SLC8A1: variants seen among roughly 807,000 people sequenced by gnomAD.
SLC8A1 encodes sodium/calcium exchanger 1.
Under a neutral mutation model 68.3 loss-of-function variants are expected in SLC8A1, and 18 were observed. That is an observed-to-expected ratio of 0.26 (90% confidence interval 0.18 to 0.39). The LOEUF (loss-of-function observed/expected upper bound fraction) is 0.39, where lower values mean the gene tolerates loss of function less well. Among genes scored for constraint, SLC8A1 ranks in the 10% least tolerant of loss-of-function variants. The probability of loss-of-function intolerance (pLI) is 1.00; values close to 1 mark genes in which losing one functional copy is unlikely to be tolerated. For synonymous variants in SLC8A1, 475 were observed against 415.5 expected, an observed-to-expected ratio of 1.14 and a Z score of -1.74; for missense variants, 985 against 1,156.7, an observed-to-expected ratio of 0.85 and a Z score of 2.15.
chr2:40,156,719 C>G (rs2044587903), intron 6 of SLC8A1, among the ~76,000 whole-genome samples: 1 of 151,682 alleles, frequency 6.6e-6, no homozygotes, highest in South Asian at 2.1e-4. Flanking sequence ...GCTCCAATAT[C>G]CAAACAAATA....
intron 6 of SLC8A1, among the ~76,000 whole-genome samples, chr2:40,142,027 C>T (rs748341239): frequency 1.3e-5 from 2 of 152,286 alleles, no homozygotes; most frequent in Non-Finnish European, 2.9e-5. Flanking sequence ...TTATTCAAAC[C>T]ACCCAGTCTG....
intron 1 of SLC8A1, among the ~76,000 whole-genome samples, chr2:40,439,159 G>T (rs1700025910): frequency 6.6e-6 from 1 of 151,960 alleles, no homozygotes. Context: ...CCCCAAAAGG[G>T]AGATTAAAGC....
chr2:40,253,266 CATGTACATATGACGTAT>C (rs1389661097), intron 2 of SLC8A1, among the ~76,000 whole-genome samples: 45 of 149,408 alleles, frequency 3.0e-4, no homozygotes, highest in African/African-American at 1.1e-3. Flanking sequence ...TACATATATA[CATGTACATATGACGTAT>C]ATATGTGTAT....
intron 2 of SLC8A1, among the ~76,000 whole-genome samples, chr2:40,362,013 A>T (rs1437598715): frequency 7.0e-6 from 1 of 141,980 alleles, no homozygotes; most frequent in African/African-American, 2.7e-5. Flanking sequence ...TCCTGACTCA[A>T]CCTCCTGAGT....
At chr2:40,364,541 A>G (rs893363255) in intron 2 of SLC8A1, among the ~76,000 whole-genome samples, 7 of 151,852 alleles carry the variant, frequency 4.6e-5, no homozygotes, top group African/African-American at 1.5e-4. Context: ...TCCCCAGGCA[A>G]TTATTTTGCT....
At chr2:40,380,228 G>GC (rs1681295526) in intron 2 of SLC8A1, among the ~76,000 whole-genome samples, 2 of 152,090 alleles carry the variant, frequency 1.3e-5, no homozygotes, top group Non-Finnish European at 2.9e-5. Flanking sequence ...TCAAGGGCTT[G>GC]ACCCCAGGCC....
intron 2 of SLC8A1, among the ~76,000 whole-genome samples, chr2:40,222,247 AC>A (rs1458212419): frequency 1.3e-5 from 2 of 152,220 alleles, no homozygotes; most frequent in African/African-American, 4.8e-5. Flanking sequence ...CTGATCTTTG[AC>A]AAACCTGACC....
exon 8 of SLC8A1, chr2:40,107,279 C>CAAAAAGAAAAA (rs2034264360): frequency 1.5e-5 from 1 of 64,962 alleles, no homozygotes; most frequent in African/African-American, 6.2e-5. Flanking sequence ...GACTCCGTCT[C>CAAAAAGAAAAA]AAAAAAAAAA....
intron 2 of SLC8A1, among the ~76,000 whole-genome samples, chr2:40,265,179 G>C (rs115310586): frequency 6.6e-6 from 1 of 152,166 alleles, no homozygotes; most frequent in East Asian, 1.9e-4. Flanking sequence ...AGTAGACGAT[G>C]GGCATGCAGC....
chr2:40,419,422 A>C (rs1451535108), intron 2 of SLC8A1, among the ~76,000 whole-genome samples: 1 of 152,074 alleles, frequency 6.6e-6, no homozygotes, highest in African/African-American at 2.4e-5. Context: ...GTCACAGCAG[A>C]AATCTAATCA....
At chr2:40,140,265 T>G (rs1369975045) in intron 6 of SLC8A1, among the ~76,000 whole-genome samples, 2 of 152,162 alleles carry the variant, frequency 1.3e-5, no homozygotes, top group East Asian at 1.9e-4. Flanking sequence ...AAAATGAAAT[T>G]TATTTGCATT....
At chr2:40,435,292 T>C (rs905635995) in intron 1 of SLC8A1, among the ~76,000 whole-genome samples, 1 of 152,150 alleles carries the variant, frequency 6.6e-6, no homozygotes, top group African/African-American at 2.4e-5. Context: ...CTTCCAAATG[T>C]TTCTAGACAA....
chr2:40,399,839 C>T (rs947359708), intron 2 of SLC8A1, among the ~76,000 whole-genome samples: 9 of 152,066 alleles, frequency 5.9e-5, no homozygotes, highest in Non-Finnish European at 1.0e-4. Context: ...GCCTTATGCC[C>T]AATTCCTGCC....
intron 7 of SLC8A1, among the ~76,000 whole-genome samples, chr2:40,115,932 A>C (rs1468668836): frequency 6.6e-6 from 1 of 152,182 alleles, no homozygotes; most frequent in Non-Finnish European, 1.5e-5. Context: ...TTTTTTCAGA[A>C]AGTAGTCACA....
intron 2 of SLC8A1, among the ~76,000 whole-genome samples, chr2:40,347,464 C>T (rs1669716855): frequency 6.6e-6 from 1 of 152,206 alleles, no homozygotes; most frequent in Non-Finnish European, 1.5e-5. Flanking sequence ...AGCTTGAGCT[C>T]AATGCCTGGC....
intron 2 of SLC8A1, among the ~76,000 whole-genome samples, chr2:40,276,663 CCTTGA>C (rs1363645156): frequency 6.6e-5 from 10 of 152,272 alleles, no homozygotes; most frequent in Admixed American, 6.5e-5. Flanking sequence ...ACTCTTCTTT[CCTTGA>C]CTTATTTGGT....
intron 2 of SLC8A1, among the ~76,000 whole-genome samples, chr2:40,341,630 AC>A (rs1437413343): frequency 6.6e-6 from 1 of 152,220 alleles, no homozygotes; most frequent in East Asian, 1.9e-4. Flanking sequence ...TTTCTTAATT[AC>A]CCTAAGCCTC....
chr2:40,446,594 G>A (rs948823138), intron 1 of SLC8A1: 9 of 152,252 alleles, frequency 5.9e-5, no homozygotes, highest in Admixed American at 4.6e-4. Flanking sequence ...GCAGTGGAGT[G>A]ATCTTTCTTG....
At chr2:40,287,514 C>A (rs2149214830) in intron 2 of SLC8A1, among the ~76,000 whole-genome samples, 1 of 151,746 alleles carries the variant, frequency 6.6e-6, no homozygotes, top group Non-Finnish European at 1.5e-5. Context: ...CAGACATACA[C>A]CTGCCCAAAG....
Sources: gnomAD v4.1 joint callset for allele counts (sites outside exome capture counted in the v4.1 genomes callset) on GRCh38, gnomAD v4.1.1 for gene constraint, MANE v1.5 for transcripts, NCBI Gene and HGNC (gene_info 2026-07-23, HGNC 2026-07-21) for gene names.